KSR2: variants seen among roughly 807,000 people sequenced by gnomAD.
KSR2 encodes kinase suppressor of ras 2.
Under a neutral mutation model 107.8 loss-of-function variants are expected in KSR2, and 25 were observed. The observed-to-expected ratio is 0.23, with a 90% CI of 0.17 to 0.32. The LOEUF is 0.32. KSR2 is among the 10% of genes least tolerant of loss of function. KSR2 has a pLI of 1.00. For missense variants in KSR2, 887 were observed against 1,268.9 expected (o/e 0.70, Z 4.57); for synonymous variants, 480 against 507.0 (o/e 0.95, Z 0.71).
chr12:117,829,587 C>T (rs947496402), intron 3 of KSR2, among the ~76,000 whole-genome samples: 1 of 152,180 alleles, frequency 6.6e-6, no homozygotes, highest in East Asian at 1.9e-4. Flanking sequence ...GCACTCACAT[C>T]AGAAACTGAT....
At chr12:117,617,408 TATA>T (rs1881948355) in intron 5 of KSR2, among the ~76,000 whole-genome samples, 1 of 152,234 alleles carries the variant, frequency 6.6e-6, no homozygotes, top group South Asian at 2.1e-4. Flanking sequence ...TTGACTTTTT[TATA>T]ATTTCTAGAT....
At chr12:117,487,399 T>C (rs1014154370) in intron 14 of KSR2, among the ~76,000 whole-genome samples, 6 of 152,204 alleles carry the variant, frequency 3.9e-5, no homozygotes, top group Non-Finnish European at 5.9e-5. Flanking sequence ...CTGATTCACA[T>C]GTCTGAGGAG....
chr12:117,656,279 T>C (rs540888337), intron 5 of KSR2, among the ~76,000 whole-genome samples: 1 of 152,348 alleles, frequency 6.6e-6, no homozygotes, highest in South Asian at 2.1e-4. Context: ...TATATAATAG[T>C]ATTTGAGTTA....
chr12:117,560,267 C>T (rs1592993799), intron 7 of KSR2, among the ~76,000 whole-genome samples: 2 of 152,270 alleles, frequency 1.3e-5, no homozygotes, highest in East Asian at 1.9e-4. Context: ...TGGATGCATG[C>T]TCAGGTGTGA....
At chr12:117,711,050 T>C (rs905895574) in intron 4 of KSR2, among the ~76,000 whole-genome samples, 1 of 152,182 alleles carries the variant, frequency 6.6e-6, no homozygotes, top group African/African-American at 2.4e-5. Context: ...CCTCTCCCTA[T>C]CTTCATTTCT....
At chr12:117,932,682 A>G (rs1417440643) in intron 1 of KSR2, among the ~76,000 whole-genome samples, 1 of 152,192 alleles carries the variant, frequency 6.6e-6, no homozygotes, top group Non-Finnish European at 1.5e-5. Context: ...TGATCACGTC[A>G]CTGCACTCCA....
intron 13 of KSR2, among the ~76,000 whole-genome samples, chr12:117,525,424 T>A (rs1321778444): frequency 6.6e-6 from 1 of 152,124 alleles, no homozygotes; most frequent in East Asian, 1.9e-4. Flanking sequence ...GAAAGGGAGA[T>A]CATGATCATC....
At chr12:117,647,651 T>C (rs1194995143) in intron 5 of KSR2, among the ~76,000 whole-genome samples, 1 of 152,128 alleles carries the variant, frequency 6.6e-6, no homozygotes, top group Admixed American at 6.5e-5. Flanking sequence ...TGTGGCATGT[T>C]AGTGATGCTG....
At chr12:117,626,913 G>C (rs1882549828) in intron 5 of KSR2, among the ~76,000 whole-genome samples, 1 of 152,134 alleles carries the variant, frequency 6.6e-6, no homozygotes, top group African/African-American at 2.4e-5. Context: ...TATAAATTTA[G>C]GATAGTTAGC....
chr12:117,520,078 TCACAGATGGAGCC>T (rs1272375183), intron 14 of KSR2, among the ~76,000 whole-genome samples: 1 of 152,210 alleles, frequency 6.6e-6, no homozygotes, highest in African/African-American at 2.4e-5. Context: ...ACCAAAGTGC[TCACAGATGGAGCC>T]CATTCCCCTT....
At position 117,763,183 on chromosome 12, in the gene KSR2, T is replaced by G. The variant is rs565130975; in HGVS notation, c.473-1659A>C. ...GCGATAGTTTACTGAGAATGATGAT[T>G]TCCAATTTCATCCATGTCCCTACAA... On this transcript the variant is annotated intron_variant, in intron 3 of 19. Transcript: ENST00000339824. 5.2e-3 allele frequency among the ~76,000 whole-genome samples: 785 copies of G among 152,024 alleles called. 4 individuals are homozygous for G. The highest frequency in any genetic ancestry group is 6.5e-3 in the Non-Finnish European group (443 of 67,986).
intron 5 of KSR2, among the ~76,000 whole-genome samples, chr12:117,658,135 GA>G (rs1431208324): frequency 6.6e-6 from 1 of 152,230 alleles, no homozygotes; most frequent in African/African-American, 2.4e-5. Context: ...GGCAGAGAGA[GA>G]AAAATGAAGC....
intron 1 of KSR2, among the ~76,000 whole-genome samples, chr12:117,927,671 C>T (rs372984947): frequency 5.7e-4 from 86 of 151,624 alleles, no homozygotes; most frequent in African/African-American, 1.8e-3. Context: ...CCAACCTGGG[C>T]GACAGAGCAA....
chr12:117,552,548 C>A (rs542393222), intron 9 of KSR2, among the ~76,000 whole-genome samples: 211 of 152,258 alleles, frequency 1.4e-3, no homozygotes, highest in African/African-American at 4.9e-3. Flanking sequence ...GTGAGGACAC[C>A]CAAGCATTAC....
chr12:117,761,562 C>T, intron 3 of KSR2, 38 bp from the exon 4 acceptor site: 2 of 1,607,218 alleles, frequency 1.2e-6, no homozygotes, highest in Non-Finnish European at 1.7e-6. Flanking sequence ...ATGGGTAAGC[C>T]ATGAGAAAGC....
At chr12:117,723,720 A>G (rs1887300985) in intron 4 of KSR2, among the ~76,000 whole-genome samples, 1 of 152,116 alleles carries the variant, frequency 6.6e-6, no homozygotes, top group Admixed American at 6.5e-5. Flanking sequence ...GTTATGTAAG[A>G]TACTGTCACT....
intron 3 of KSR2, among the ~76,000 whole-genome samples, chr12:117,778,325 A>G (rs940311039): frequency 6.6e-6 from 1 of 152,100 alleles, no homozygotes; most frequent in African/African-American, 2.4e-5. Flanking sequence ...TCCTGACCTC[A>G]GGTGATCTGC....
chr12:117,892,674 G>A (rs200298239), intron 1 of KSR2, among the ~76,000 whole-genome samples: 1 of 150,608 alleles, frequency 6.6e-6, no homozygotes, highest in African/African-American at 2.4e-5. Flanking sequence ...GGCTGCTTTT[G>A]TGCTCCAACT....
rs562484119 is a variant in KSR2 at position 117,735,952 on chromosome 12, G to C, written c.986+25059C>G. 2.6e-5 allele frequency among the ~76,000 whole-genome samples: 4 copies of C among 152,278 alleles called. No homozygotes were observed. The East Asian group carries it at 5.8e-4, about 22-fold the overall frequency. ...GAACGTGCCCCTTATGCATGACTTAGAGTAATTTTCCCAGAGTGTTGTGTT... is the reference window on the plus strand; with the variant it reads ...GAACGTGCCCCTTATGCATGACTTACAGTAATTTTCCCAGAGTGTTGTGTT... On this transcript the variant is annotated intron_variant, in intron 4 of 19. Coordinates refer to ENST00000339824, the MANE Select transcript of KSR2 (RefSeq NM_173598.6).
Sources: gnomAD v4.1 joint callset for allele counts (sites outside exome capture counted in the v4.1 genomes callset) on GRCh38, gnomAD v4.1.1 for gene constraint, MANE v1.5 for transcripts, NCBI Gene and HGNC (gene_info 2026-07-23, HGNC 2026-07-21) for gene names.